Variants in HDX observed in about 807,000 individuals in gnomAD.
The protein encoded by HDX is highly divergent homeobox.
In HDX, 19 loss-of-function variants were observed where a neutral mutation model predicts 45.2. The observed-to-expected ratio is 0.42, with a 90% CI of 0.29 to 0.62. The LOEUF is 0.62. Among genes scored for constraint, HDX ranks in the 20% least tolerant of loss-of-function variants. The probability of loss-of-function intolerance (pLI) is 0.20; values close to 1 mark genes in which losing one functional copy is unlikely to be tolerated. For missense variants in HDX, 532 were observed against 493.9 expected (o/e 1.08, Z -0.73); for synonymous variants, 188 against 172.8 (o/e 1.09, Z -0.69).
intron 7 of HDX, among the ~76,000 whole-genome samples, chrX:84,342,519 A>ATGTGTG (rs3072241): frequency 1.1e-3 from 111 of 102,181 alleles, no homozygotes; most frequent in African/African-American, 3.7e-3. Context: ...ATGTGTGTGC[A>ATGTGTG]TGTGTGTGTG....
chrX:84,358,288 G>A (rs1281548137), intron 6 of HDX, among the ~76,000 whole-genome samples: 7 of 111,701 alleles, frequency 6.3e-5, no homozygotes, highest in Non-Finnish European at 1.3e-4. Flanking sequence ...GAAGGAGTGA[G>A]GAATGTTGGT....
At chrX:84,352,650 T>A (rs1476905390) in intron 6 of HDX, among the ~76,000 whole-genome samples, 1 of 111,717 alleles carries the variant, frequency 9.0e-6, no homozygotes, top group Non-Finnish European at 1.9e-5. Flanking sequence ...ATACTTTTAG[T>A]GATTTTATAA....
At chrX:84,330,079 T>C (rs1328894755) in intron 9 of HDX, among the ~76,000 whole-genome samples, 1 of 111,644 alleles carries the variant, frequency 9.0e-6, no homozygotes, top group Non-Finnish European at 1.9e-5. Context: ...CAAAATATGG[T>C]ATCTGTGGTG....
intron 6 of HDX, among the ~76,000 whole-genome samples, chrX:84,358,294 T>C (rs898103549): frequency 6.3e-5 from 7 of 111,839 alleles, no homozygotes; most frequent in Admixed American, 9.5e-5. Flanking sequence ...GTGAGGAATG[T>C]TGGTGTTGTA....
Position 84,469,059 on chromosome X carries a change from T to C in HDX, c.664A>G (p.Ile222Val). 8.3e-7 allele frequency: 1 copy of C among 1,211,839 alleles called. No homozygotes were observed. The highest frequency in any genetic ancestry group is 1.1e-6 in the Non-Finnish European group (1 of 895,490). Residue 222 changes from isoleucine (I) to valine (V), a missense_variant, in exon 4 of 11, where the codon ATT becomes GTT. This residue lies in a region of HDX where 376 missense variants were observed against 343.7 expected (regional missense o/e 1.09). Transcript: ENST00000373177. ...GACCTTTGAATCCCAACTGGTTCAATTTTACAAGGTCGGTGGCACACAGAA... is the reference window on the plus strand; with the variant it reads ...GACCTTTGAATCCCAACTGGTTCAACTTTACAAGGTCGGTGGCACACAGAA... Reference protein sequence around the residue: ...KPSVCHRPCKIEPVGIQRSYK... With the variant: ...KPSVCHRPCKVEPVGIQRSYK...
At chrX:84,349,464 G>T in intron 6 of HDX, among the ~76,000 whole-genome samples, 1 of 81,538 alleles carries the variant, frequency 1.2e-5, no homozygotes. Context: ...GTTAGGGTTA[G>T]GCATTAAGGG....
chrX:84,441,894 C>T (rs952894771), intron 4 of HDX, among the ~76,000 whole-genome samples: 2 of 111,268 alleles, frequency 1.8e-5, no homozygotes, highest in Non-Finnish European at 3.8e-5. Flanking sequence ...AAATAATCTT[C>T]CTACAAATCC....
chrX:84,438,478 A>G (rs943446547), intron 5 of HDX, among the ~76,000 whole-genome samples: 2 of 110,064 alleles, frequency 1.8e-5, no homozygotes, highest in African/African-American at 6.6e-5. Flanking sequence ...TTCAGGTCCC[A>G]ATGATCCCAC....
chrX:84,418,976 G>A (rs1176959319), intron 5 of HDX, among the ~76,000 whole-genome samples: 2 of 111,782 alleles, frequency 1.8e-5, no homozygotes, highest in Non-Finnish European at 3.8e-5. Flanking sequence ...AGTGGTCAGA[G>A]TCATGAGGCC....
chrX:84,342,113 CT>C, intron 7 of HDX, among the ~76,000 whole-genome samples: 1 of 111,264 alleles, frequency 9.0e-6, no homozygotes, highest in Non-Finnish European at 1.9e-5. Flanking sequence ...TTCCATATTT[CT>C]TTTTATGTCT....
intron 6 of HDX, among the ~76,000 whole-genome samples, chrX:84,357,851 T>A (rs1273166618): frequency 8.9e-6 from 1 of 112,409 alleles, no homozygotes; most frequent in Non-Finnish European, 1.9e-5. Flanking sequence ...GCCAATGGGA[T>A]ATAAGTGAAC....
intron 5 of HDX, among the ~76,000 whole-genome samples, chrX:84,431,741 C>G (rs1245988876): frequency 9.0e-6 from 1 of 111,166 alleles, no homozygotes; most frequent in Non-Finnish European, 1.9e-5. Flanking sequence ...ATTTAGATCT[C>G]TGTTGGATAC....
Position 84,432,716 on chromosome X carries a change from C to T in HDX, c.1305+7816G>A, listed in dbSNP as rs1172235844. 5.4e-5 allele frequency among the ~76,000 whole-genome samples: 6 copies of T among 111,169 alleles called. No homozygotes were observed. The Admixed American group carries it at 5.8e-4, about 11-fold the overall frequency. On this transcript the variant is annotated intron_variant, in intron 5 of 10. Transcript: ENST00000373177. Reference sequence around the variant, plus strand: ...TTACATTATTTATCAGATAAAGGAGCTTTTGGGCAGAGACTATGGGGTTCT... The same window carrying T: ...TTACATTATTTATCAGATAAAGGAGTTTTTGGGCAGAGACTATGGGGTTCT...
intron 5 of HDX, among the ~76,000 whole-genome samples, chrX:84,403,289 A>G (rs1002123181): frequency 3.3e-4 from 37 of 111,706 alleles, no homozygotes; most frequent in Non-Finnish European, 6.4e-4. Context: ...ATAAAGGTTA[A>G]ATGAAATGTC....
In HDX at chrX:84,321,819, T is replaced by C; in HGVS notation, c.*70A>G. The C allele has an allele frequency of 2.3e-6, 2 of 877,546 alleles. No individual in the cohort carries two copies. The highest frequency in any genetic ancestry group is 3.2e-6 in the Non-Finnish European group (2 of 631,477). The allele number at this position is 877,546 out of a possible 1,213,427, so 72.3% of individuals were successfully genotyped here. ...ACTAAAGAATACCAGGGCAACAGAA[T>C]GCAGTTATCTTGAAATGCACACCTG... On this transcript the variant is annotated 3_prime_UTR_variant, in exon 11 of 11. Transcript: ENST00000373177.
At chrX:84,486,431 A>G (rs766339230) in intron 2 of HDX, among the ~76,000 whole-genome samples, 1 of 111,491 alleles carries the variant, frequency 9.0e-6, no homozygotes, top group Non-Finnish European at 1.9e-5. Flanking sequence ...ATTTACCCAG[A>G]ATTTGCCATT....
At chrX:84,412,598 A>G (rs2039014246) in intron 5 of HDX, among the ~76,000 whole-genome samples, 1 of 111,256 alleles carries the variant, frequency 9.0e-6, no homozygotes, top group Non-Finnish European at 1.9e-5. Flanking sequence ...AGCTGCCTTT[A>G]AAATATTTTC....
At chrX:84,495,690 A>C (rs187607988) in intron 1 of HDX, among the ~76,000 whole-genome samples, 1 of 112,041 alleles carries the variant, frequency 8.9e-6, no homozygotes, top group Admixed American at 9.5e-5. Context: ...AAAGATACTT[A>C]AGGCAGAATA....
At chrX:84,461,200 A>T (rs986893016) in intron 4 of HDX, among the ~76,000 whole-genome samples, 3 of 111,778 alleles carry the variant, frequency 2.7e-5, no homozygotes, top group Admixed American at 9.5e-5. Context: ...CCATAAAAGA[A>T]CCAGAATATC....
Sources: gnomAD v4.1 joint callset for allele counts (sites outside exome capture counted in the v4.1 genomes callset) on GRCh38, gnomAD v4.1.1 for gene constraint, gnomAD v4.1.1 regional missense constraint, MANE v1.5 for transcripts, NCBI Gene and HGNC (gene_info 2026-07-23, HGNC 2026-07-21) for gene names.